ALDH18A1: variants seen among roughly 807,000 people sequenced by gnomAD.
The protein encoded by ALDH18A1 is aldehyde dehydrogenase 18 family member A1, also known as delta-1-pyrroline-5-carboxylate synthase.
Under a neutral mutation model 88.8 loss-of-function variants are expected in ALDH18A1, and 44 were observed. That is an observed-to-expected ratio of 0.50 (90% confidence interval 0.39 to 0.64). The LOEUF (loss-of-function observed/expected upper bound fraction) is 0.64, where lower values mean the gene tolerates loss of function less well. ALDH18A1 is among the 30% of genes least tolerant of loss of function. The pLI, the probability that ALDH18A1 is intolerant of heterozygous loss-of-function variation, is 0.00. For synonymous variants in ALDH18A1, 331 were observed against 372.1 expected (o/e 0.89, Z 1.27); for missense variants, 782 against 1,009.5 (o/e 0.77, Z 3.05).
At chr10:95,613,937 TG>T in intron 14 of ALDH18A1, 28 bp downstream of exon 14, 1 of 1,614,226 alleles carries the variant, frequency 6.2e-7, no homozygotes, top group Non-Finnish European at 8.5e-7. Context: ...ATTTCTCCGT[TG>T]TGAAAGAGAA....
At chr10:95,642,123 C>A (rs2097892905) in intron 3 of ALDH18A1, among the ~76,000 whole-genome samples, 2 of 152,164 alleles carry the variant, frequency 1.3e-5, no homozygotes, top group South Asian at 4.1e-4. Flanking sequence ...ATTTCAGCTG[C>A]CATGGAATAG....
chr10:95,621,797 T>A (rs1342899486), intron 11 of ALDH18A1, among the ~76,000 whole-genome samples: 1 of 152,182 alleles, frequency 6.6e-6, no homozygotes, highest in African/African-American at 2.4e-5. Flanking sequence ...ATTTATCATT[T>A]GTATGAACAG....
intron 16 of ALDH18A1, 68 bp from the exon 17 acceptor site, chr10:95,610,360 G>T: frequency 6.6e-7 from 1 of 1,506,100 alleles, no homozygotes; most frequent in South Asian, 1.1e-5. Flanking sequence ...TCCAGCCATT[G>T]ACTGGTGACA....
At chr10:95,612,936 T>C (rs1331074528) in intron 15 of ALDH18A1, among the ~76,000 whole-genome samples, 2 of 152,216 alleles carry the variant, frequency 1.3e-5, no homozygotes, top group Non-Finnish European at 2.9e-5. Flanking sequence ...CCATGCCACA[T>C]TTATAAGCTA....
chr10:95,612,188 G>A (rs1484215693), intron 15 of ALDH18A1, among the ~76,000 whole-genome samples: 2 of 152,208 alleles, frequency 1.3e-5, no homozygotes, highest in African/African-American at 4.8e-5. Context: ...TTGCTTTAGA[G>A]GTAAGCAGTA....
rs561010006 is a variant in ALDH18A1 at position 95,638,708 on chromosome 10, G to A, written c.304-1272C>T. ...GCTCTGTCTGCCCAAGACCAAATGC[G>A]GTCACTTTGTTTCCTACCTTAAGCA... On this transcript the variant is annotated intron_variant, in intron 3 of 17. Coordinates refer to ENST00000371224, the MANE Select transcript of ALDH18A1 (RefSeq NM_002860.4). Among the ~76,000 whole-genome samples, 7 of 152,042 alleles carry A rather than the reference G, an allele frequency of 4.6e-5. 1 individual carries two copies. The South Asian group carries it at 1.2e-3, about 27-fold the overall frequency.
At chr10:95,621,285 C>G in intron 11 of ALDH18A1, 34 bp from the exon 12 acceptor site, 2 of 1,570,070 alleles carry the variant, frequency 1.3e-6, no homozygotes, top group African/African-American at 1.4e-5. Flanking sequence ...GATAAAGTAG[C>G]AGACCTGGCA....
intron 5 of ALDH18A1, among the ~76,000 whole-genome samples, chr10:95,636,371 T>C (rs2097880688): frequency 6.6e-6 from 1 of 152,186 alleles, no homozygotes; most frequent in African/African-American, 2.4e-5. Flanking sequence ...GAAGTGACTG[T>C]TATTGAGATG....
At chr10:95,626,905 G>T (rs552992072) in intron 9 of ALDH18A1, 129 bp from the exon 10 acceptor site, 2 of 918,926 alleles carry the variant, frequency 2.2e-6, no homozygotes, top group Non-Finnish European at 3.5e-6. Context: ...TGATGTCTTG[G>T]TATGCTTGTT....
intron 12 of ALDH18A1, 61 bp from the exon 13 acceptor site, chr10:95,616,675 T>C (rs1294250508): frequency 4.5e-6 from 7 of 1,564,042 alleles, no homozygotes; most frequent in Middle Eastern, 1.7e-4. Flanking sequence ...AACAGTGATG[T>C]TAGCATTCAC....
At chr10:95,633,344 G>A in intron 6 of ALDH18A1, 147 bp downstream of exon 6, 1 of 1,028,766 alleles carries the variant, frequency 9.7e-7, no homozygotes, top group South Asian at 1.6e-5. Flanking sequence ...CACGAGTTCA[G>A]AAGAGCTTAT....
At chr10:95,630,121 C>G (rs199853704) in intron 7 of ALDH18A1, among the ~76,000 whole-genome samples, 52 of 18,194 alleles carry the variant, frequency 2.9e-3, no homozygotes, top group African/African-American at 5.5e-3. Flanking sequence ...CTTTCCCCCC[C>G]CTCTCCCAAC....
At chr10:95,628,540 C>G (rs774534649) in intron 7 of ALDH18A1, 48 bp from the exon 8 acceptor site, 4 of 1,602,940 alleles carry the variant, frequency 2.5e-6, no homozygotes, top group South Asian at 1.1e-5. Context: ...GGAAGTGTCT[C>G]CAAGACAGGC....
rs2097821935 is a variant in ALDH18A1, at chr10:95,606,032, G to A, written c.*730C>T. On this transcript the variant is annotated 3_prime_UTR_variant, in exon 18 of 18. Transcript: ENST00000371224. ...TTTTTGTTTTGGAGGAAAAGGGTAG[G>A]ACGACAAAATAATTCATACAAAAAT... is the stretch of plus-strand genomic sequence containing the variant. 1 of 158,270 alleles carries A rather than the reference G, an allele frequency of 6.3e-6. No individual in the cohort carries two copies. Among genetic ancestry groups the A allele is most frequent in the Non-Finnish European group, 1.4e-5 (1 of 73,598 alleles). The allele number at this position is 158,270 out of a possible 1,614,324, so 9.8% of individuals were successfully genotyped here.
intron 5 of ALDH18A1, among the ~76,000 whole-genome samples, chr10:95,634,601 T>G (rs996538496): frequency 6.6e-6 from 1 of 152,106 alleles, no homozygotes; most frequent in African/African-American, 2.4e-5. Flanking sequence ...TCTGAGAAAT[T>G]TATGGAAGTT....
intron 5 of ALDH18A1, among the ~76,000 whole-genome samples, chr10:95,634,387 C>T (rs1261338570): frequency 6.6e-6 from 1 of 152,166 alleles, no homozygotes; most frequent in East Asian, 1.9e-4. Context: ...TAAAGATGCA[C>T]ACCGCTGTGC....
At chr10:95,653,447 T>C in intron 1 of ALDH18A1, 42 bp from the exon 2 acceptor site, 2 of 1,501,086 alleles carry the variant, frequency 1.3e-6, no homozygotes, top group Non-Finnish European at 1.9e-6. Context: ...TGAAAAATAC[T>C]GGACAATTCA....
chr10:95,615,115 G>A (rs2097842020), intron 13 of ALDH18A1, among the ~76,000 whole-genome samples: 1 of 151,814 alleles, frequency 6.6e-6, no homozygotes, highest in Non-Finnish European at 1.5e-5. Context: ...CTGAGCTCAG[G>A]AGTTTGAGAG....
chr10:95,611,584 C>A, intron 15 of ALDH18A1, 142 bp from the exon 16 acceptor site: 1 of 889,698 alleles, frequency 1.1e-6, no homozygotes. Flanking sequence ...TCCTACTTTC[C>A]TCCCTCCAGC....
Sources: gnomAD v4.1 joint callset for allele counts (sites outside exome capture counted in the v4.1 genomes callset) on GRCh38, gnomAD v4.1.1 for gene constraint, MANE v1.5 for transcripts, NCBI Gene and HGNC (gene_info 2026-07-23, HGNC 2026-07-21) for gene names.